The following LAMA1 variants were observed in gnomAD, a reference collection of about 807,000 sequenced individuals.
LAMA1 encodes laminin subunit alpha-1.
A neutral mutation model predicts 348.7 loss-of-function variants in LAMA1; 219 were observed. The ratio of observed to expected loss-of-function variants is 0.63; its 90% CI spans 0.56 to 0.70. The LOEUF (loss-of-function observed/expected upper bound fraction) is 0.70. Ranked by LOEUF, LAMA1 falls within the 30% of genes least tolerant of loss-of-function variation. LAMA1 has a pLI of 0.00. For synonymous variants in LAMA1, 1,487 were observed against 1,491.0 expected, an observed-to-expected ratio of 1.00 and a Z score of 0.06; for missense variants, 3,744 against 3,888.0, an observed-to-expected ratio of 0.96 and a Z score of 0.99.
chr18:6,957,027 C>A, intron 55 of LAMA1: 1 of 447,280 alleles, frequency 2.2e-6, no homozygotes, highest in Middle Eastern at 6.8e-4. Context: ...GAGCACCCCC[C>A]AGGTCAGCTC....
intron 39 of LAMA1, among the ~76,000 whole-genome samples, chr18:6,984,385 A>T (rs2057725058): frequency 6.6e-6 from 1 of 152,214 alleles, no homozygotes; most frequent in Admixed American, 6.5e-5. Context: ...AGCAAATTTT[A>T]AAGAAAGAAA....
rs749723258 is a variant in LAMA1 at position 7,037,547 on chromosome 18, G to A, written c.1737+31C>T. On this transcript the variant is annotated intron_variant, in intron 12 of 62. Transcript: ENST00000389658. Reference sequence around the variant, plus strand: ...TCAGTGTTCCCTGAGATCTTCATCTGAGACATCGCTACCTGCAGGGTCACA... The same window carrying A: ...TCAGTGTTCCCTGAGATCTTCATCTAAGACATCGCTACCTGCAGGGTCACA... 2.5e-6 allele frequency: 4 copies of A among 1,612,836 alleles called. No homozygotes were observed. The South Asian group carries it at 3.3e-5, about 13-fold the overall frequency.
At position 7,080,268 on chromosome 18, in the gene LAMA1, A is replaced by C; in HGVS notation, c.232+19T>G. On this transcript the variant is annotated intron_variant, in intron 2 of 62. Coordinates refer to ENST00000389658, the MANE Select transcript of LAMA1 (RefSeq NM_005559.4). ...GTACATTCCCATGGGAATTTCAGAA[A>C]TAAAGGCGCGACACTTGCCTCTGGG... The C allele has an allele frequency of 6.2e-7, 1 of 1,613,820 alleles. No individual in the cohort carries two copies. Among genetic ancestry groups the C allele is most frequent in the Non-Finnish European group, 8.5e-7 (1 of 1,180,040 alleles).
chr18:7,117,406 G>GAC (rs1295163360), intron 1 of LAMA1, among the ~76,000 whole-genome samples: 63 of 78,394 alleles, frequency 8.0e-4, no homozygotes, highest in African/African-American at 2.7e-3. Flanking sequence ...AGGCGAGGCT[G>GAC]GGCTTTAACC....
rs1341735228 is a variant in LAMA1, at chr18:6,950,892, A to T, written c.8287T>A (p.Tyr2763Asn). Residue 2763 changes from tyrosine (Y) to asparagine (N), a missense_variant, in exon 58 of 63, where the codon TAC becomes AAC. Physicochemically the swap from Tyr to Asn is moderately radical, Grantham distance 143 (BLOSUM62 -2). Transcript: ENST00000389658. ...YYMAHQNQAD[Y>N]AVLQLHGGRL... ...CCCCCGTGCAGCTGGAGCACAGCGT[A>T]GTCTGCTTGGTTCTGATGAGCCATG... is the stretch of plus-strand genomic sequence containing the variant. 3.1e-6 allele frequency: 5 copies of T among 1,614,192 alleles called. No individual in the cohort carries two copies. Among genetic ancestry groups the T allele is most frequent in the Non-Finnish European group, 4.2e-6 (5 of 1,180,026 alleles).
At chr18:7,050,083 C>T (rs1390759187) in intron 4 of LAMA1, among the ~76,000 whole-genome samples, 2 of 152,134 alleles carry the variant, frequency 1.3e-5, no homozygotes, top group Non-Finnish European at 2.9e-5. Flanking sequence ...TCGAGAAGAA[C>T]AAAGAAAAAG....
chr18:7,063,198 G>A (rs528361364), intron 3 of LAMA1, among the ~76,000 whole-genome samples: 14 of 152,230 alleles, frequency 9.2e-5, no homozygotes, highest in East Asian at 7.7e-4. Flanking sequence ...TCTTGTGAGT[G>A]TGTAAAATTT....
intron 7 of LAMA1, among the ~76,000 whole-genome samples, chr18:7,043,883 C>T (rs562743317): frequency 8.9e-4 from 135 of 152,252 alleles, no homozygotes; most frequent in African/African-American, 3.1e-3. Flanking sequence ...GGGCTGGGCG[C>T]CATGGCACAC....
intron 1 of LAMA1, among the ~76,000 whole-genome samples, chr18:7,102,148 T>C (rs2058293809): frequency 6.6e-6 from 1 of 152,192 alleles, no homozygotes; most frequent in Non-Finnish European, 1.5e-5. Flanking sequence ...TTAAATTCAG[T>C]CAATTATAAT....
At chr18:6,996,743 C>T (rs951790553) in intron 33 of LAMA1, among the ~76,000 whole-genome samples, 1 of 152,030 alleles carries the variant, frequency 6.6e-6, no homozygotes, top group Non-Finnish European at 1.5e-5. Context: ...TGCGCCACTG[C>T]ATGCCAACCT....
chr18:7,090,423 G>A (rs541449204), intron 1 of LAMA1, among the ~76,000 whole-genome samples: 1 of 152,100 alleles, frequency 6.6e-6, no homozygotes, highest in Admixed American at 6.5e-5. Flanking sequence ...TAAGGAAGGT[G>A]ACTTGACTTA....
intron 3 of LAMA1, among the ~76,000 whole-genome samples, chr18:7,061,362 A>C (rs1478703987): frequency 6.6e-6 from 1 of 152,184 alleles, no homozygotes; most frequent in Non-Finnish European, 1.5e-5. Context: ...ATGTCACCAA[A>C]TGCTCTTTGT....
intron 57 of LAMA1, among the ~76,000 whole-genome samples, chr18:6,951,298 G>A (rs1363111815): frequency 1.3e-5 from 2 of 152,196 alleles, no homozygotes; most frequent in African/African-American, 4.8e-5. Flanking sequence ...ATTCAACGCG[G>A]GTAACTCTGC....
At chr18:6,987,921 C>T (rs1029420731) in intron 36 of LAMA1, among the ~76,000 whole-genome samples, 5 of 151,996 alleles carry the variant, frequency 3.3e-5, no homozygotes, top group Non-Finnish European at 7.4e-5. Context: ...TCTATTATTC[C>T]TTATTATTAA....
chr18:6,957,594 T>C (rs1333088269), intron 55 of LAMA1, among the ~76,000 whole-genome samples: 1 of 152,124 alleles, frequency 6.6e-6, no homozygotes, highest in African/African-American at 2.4e-5. Flanking sequence ...GGAGCTTCAA[T>C]TTCCTGATGC....
intron 1 of LAMA1, among the ~76,000 whole-genome samples, chr18:7,085,676 C>T (rs1407518542): frequency 2.6e-5 from 4 of 152,084 alleles, no homozygotes; most frequent in African/African-American, 4.8e-5. Flanking sequence ...CCTCAGCCTC[C>T]CAAAGTGCTG....
chr18:7,111,590 G>C (rs1384657133), intron 1 of LAMA1, among the ~76,000 whole-genome samples: 1 of 152,128 alleles, frequency 6.6e-6, no homozygotes, highest in African/African-American at 2.4e-5. Flanking sequence ...CCTGACAGAC[G>C]TGTTCCAACA....
rs1218959370 is a variant in LAMA1, at chr18:7,023,152, TC to T, written c.2701+11del. ...ATAAACAGCTGACCTGACTTCACGCTCACGCACTCACCGCGGCAGTTCTTGG... is the reference window on the plus strand; with the variant it reads ...ATAAACAGCTGACCTGACTTCACGCTACGCACTCACCGCGGCAGTTCTTGG... On this transcript the variant is annotated intron_variant, in intron 19 of 62. Transcript: ENST00000389658. 6.2e-7 allele frequency: 1 copy of T among 1,610,220 alleles called. No individual in the cohort carries two copies. Among genetic ancestry groups the T allele is most frequent in the South Asian group, 1.1e-5 (1 of 90,516 alleles).
intron 29 of LAMA1, among the ~76,000 whole-genome samples, chr18:7,004,051 T>C (rs2057820770): frequency 1.3e-5 from 2 of 152,156 alleles, no homozygotes; most frequent in African/African-American, 4.8e-5. Flanking sequence ...TTTCAGGTTT[T>C]CCATGGCTAA....
Sources: allele counts gnomAD v4.1 joint callset (sites outside exome capture counted in the v4.1 genomes callset), GRCh38; gene constraint gnomAD v4.1.1; transcripts MANE v1.5; gene names NCBI Gene and HGNC (gene_info 2026-07-23, HGNC 2026-07-21).